DAPK1: variants seen among roughly 807,000 people sequenced by gnomAD.
DAPK1 encodes the protein death-associated protein kinase 1.
A neutral mutation model predicts 144.9 loss-of-function variants in DAPK1; 56 were observed. That is an observed-to-expected ratio of 0.39 (90% confidence interval 0.31 to 0.48). The LOEUF (loss-of-function observed/expected upper bound fraction) is 0.48. Among genes scored for constraint, DAPK1 ranks in the 20% least tolerant of loss-of-function variants. The pLI is 0.95. For synonymous variants in DAPK1, 690 were observed against 749.0 expected, an observed-to-expected ratio of 0.92 and a Z score of 1.29; for missense variants, 1,454 against 1,875.4, an observed-to-expected ratio of 0.78 and a Z score of 4.15.
chr9:87,600,797 A>G (rs184510545), intron 2 of DAPK1, among the ~76,000 whole-genome samples: 1,891 of 151,884 alleles, frequency 0.012, 35 homozygotes, highest in African/African-American at 0.044. Context: ...AGCCATCCGT[A>G]TCGTTGTTAA....
At chr9:87,604,790 G>A (rs549972155) in intron 2 of DAPK1, among the ~76,000 whole-genome samples, 164 bp from the exon 3 acceptor site, 1 of 152,292 alleles carries the variant, frequency 6.6e-6, no homozygotes, top group African/African-American at 2.4e-5. Context: ...CAGGCTTAGT[G>A]TAAATGAATG....
intron 18 of DAPK1, among the ~76,000 whole-genome samples, chr9:87,660,988 G>C (rs1160327568): frequency 6.6e-6 from 1 of 152,198 alleles, no homozygotes; most frequent in Non-Finnish European, 1.5e-5. Context: ...GGGACTACAG[G>C]TGCAAGCCAC....
chr9:87,648,963 GT>G, intron 15 of DAPK1, 84 bp downstream of exon 15: 1 of 1,219,460 alleles, frequency 8.2e-7, no homozygotes, highest in East Asian at 2.4e-5. Context: ...GGCCTTTAGA[GT>G]TTTATCCAAG....
chr9:87,501,749 C>G (rs1470234597), intron 2 of DAPK1, among the ~76,000 whole-genome samples: 1 of 152,142 alleles, frequency 6.6e-6, no homozygotes, highest in Non-Finnish European at 1.5e-5. Flanking sequence ...TTTGTGTGTA[C>G]TGCCTAAGAC....
At chr9:87,617,540 T>C (rs919061146) in intron 3 of DAPK1, among the ~76,000 whole-genome samples, 6 of 152,218 alleles carry the variant, frequency 3.9e-5, no homozygotes, top group African/African-American at 9.6e-5. Context: ...CTTCCTTGAC[T>C]CTCATTCCCC....
chr9:87,624,302 G>A (rs1052533284), intron 3 of DAPK1, among the ~76,000 whole-genome samples: 3 of 152,198 alleles, frequency 2.0e-5, no homozygotes, highest in African/African-American at 7.2e-5. Context: ...TGTGAGTTCA[G>A]TCAGGGCTGT....
chr9:87,702,914 C>T (rs1322059613), intron 24 of DAPK1, 115 bp from the exon 25 acceptor site: 3 of 639,620 alleles, frequency 4.7e-6, no homozygotes, highest in South Asian at 2.0e-5. Context: ...AAAACCCACT[C>T]GTTCATCAAA....
Position 87,700,179 on chromosome 9 carries a change from C to G in DAPK1, c.2813C>G (p.Ser938Ter). 2 of 1,607,194 alleles carry G rather than the reference C, an allele frequency of 1.2e-6. No individual in the cohort carries two copies. Among genetic ancestry groups the G allele is most frequent in the Non-Finnish European group, 1.7e-6 (2 of 1,173,768 alleles). ...GTTCTGGATGCTGGGGCTTCTGGGT[C>G]AAAGGACATGAAGGTACTTCGAAAT... ...LFVLDAGASG[S>*]KDMKVLRNHL... is the part of the protein sequence containing the mutation. The change falls in exon 24 of 26, where the codon TCA becomes TGA. Residue 938 changes from serine (S) to a stop codon, truncating the protein, a stop_gained. Coordinates refer to ENST00000408954, the MANE Select transcript of DAPK1 (RefSeq NM_004938.4). LOFTEE classifies it high-confidence loss of function.
At chr9:87,606,699 C>T (rs1828735939) in intron 3 of DAPK1, among the ~76,000 whole-genome samples, 1 of 116,818 alleles carries the variant, frequency 8.6e-6, no homozygotes, top group African/African-American at 3.3e-5. Context: ...TCTCTCCTTC[C>T]TTCCTTCCTT....
intron 3 of DAPK1, among the ~76,000 whole-genome samples, chr9:87,615,608 A>C (rs1829068310): frequency 6.6e-6 from 1 of 152,252 alleles, no homozygotes; most frequent in Non-Finnish European, 1.5e-5. Flanking sequence ...GCACTTAGGC[A>C]TGGGTCTTCC....
chr9:87,550,360 CTG>C (rs1476875902), intron 2 of DAPK1, among the ~76,000 whole-genome samples: 2 of 152,276 alleles, frequency 1.3e-5, no homozygotes, highest in Non-Finnish European at 2.9e-5. Flanking sequence ...ATACCACAGA[CTG>C]TGTAGTTCAA....
chr9:87,542,852 T>C (rs1826103583), intron 2 of DAPK1, among the ~76,000 whole-genome samples: 1 of 152,210 alleles, frequency 6.6e-6, no homozygotes, highest in South Asian at 2.1e-4. Context: ...GATGCCCACA[T>C]GCATGCCTCA....
chr9:87,497,826 G>C (rs1294008054), upstream of DAPK1: 2 of 385,850 alleles, frequency 5.2e-6, no homozygotes, highest in Non-Finnish European at 9.1e-6. Flanking sequence ...GCCGCCTGCC[G>C]GCCGCCCTCC....
intron 3 of DAPK1, among the ~76,000 whole-genome samples, chr9:87,616,682 T>C (rs1283226103): frequency 6.6e-6 from 1 of 152,148 alleles, no homozygotes; most frequent in Non-Finnish European, 1.5e-5. Context: ...CCTCTGAGAA[T>C]GGAGCTGTCA....
At chr9:87,648,223 G>A (rs1830333623) in intron 14 of DAPK1, among the ~76,000 whole-genome samples, 1 of 152,212 alleles carries the variant, frequency 6.6e-6, no homozygotes, top group South Asian at 2.1e-4. Context: ...ATGATTTTCT[G>A]TGGGGTGGAT....
intron 2 of DAPK1, among the ~76,000 whole-genome samples, chr9:87,558,340 G>A (rs1826791357): frequency 6.6e-6 from 1 of 152,182 alleles, no homozygotes; most frequent in African/African-American, 2.4e-5. Flanking sequence ...CCACTGGACT[G>A]CATTGCACCC....
Position 87,525,363 on chromosome 9 carries a change from G to C in DAPK1, c.62+26224G>C, listed in dbSNP as rs570183027. ...AAATTCGGCCAGGGTTCTCGCTCTT[G>C]TTGCGTGTGTTCAAACAACCGGCAC... On this transcript the variant is annotated intron_variant, in intron 2 of 25. Transcript: ENST00000408954. 5 of 1,611,356 alleles carry C rather than the reference G, an allele frequency of 3.1e-6. No individual in the cohort carries two copies. In the African/African-American group the frequency reaches 6.7e-5, roughly 21 times the overall value.
At chr9:87,587,129 A>G (rs747222968) in intron 2 of DAPK1, among the ~76,000 whole-genome samples, 1 of 152,368 alleles carries the variant, frequency 6.6e-6, no homozygotes, top group South Asian at 2.1e-4. Flanking sequence ...TGCCTAGTTC[A>G]TCAAAGTTGG....
chr9:87,657,253 T>C (rs1243694258), intron 17 of DAPK1, among the ~76,000 whole-genome samples: 1 of 152,206 alleles, frequency 6.6e-6, no homozygotes, highest in Non-Finnish European at 1.5e-5. Context: ...AGAAAACTAA[T>C]ATTTTCTTTT....
Sources: gnomAD v4.1 joint callset for allele counts (sites outside exome capture counted in the v4.1 genomes callset) on GRCh38, gnomAD v4.1.1 for gene constraint, MANE v1.5 for transcripts, NCBI Gene and HGNC (gene_info 2026-07-23, HGNC 2026-07-21) for gene names.